Variants in GGN observed in about 807,000 individuals in gnomAD.
GGN encodes gametogenetin.
A neutral mutation model predicts 35.5 loss-of-function variants in GGN; 27 were observed. The ratio of observed to expected loss-of-function variants is 0.76; its 90% CI spans 0.56 to 1.05. The LOEUF is 1.05. Ranked by LOEUF, GGN falls within the 50% of genes least tolerant of loss-of-function variation. The probability of loss-of-function intolerance (pLI) is 0.00; values close to 1 mark genes in which losing one functional copy is unlikely to be tolerated. For synonymous variants in GGN, 425 were observed against 444.1 expected (o/e 0.96, Z 0.54); for missense variants, 1,006 against 940.7 (o/e 1.07, Z -0.91).
Position 38,386,342 on chromosome 19 carries a change from C to T in GGN, c.920G>A (p.Arg307Gln), listed in dbSNP as rs1300707042. The change falls in exon 3 of 4, where the codon CGA becomes CAA. Residue 307 changes from arginine (R) to glutamine (Q), a missense_variant. Coordinates refer to ENST00000334928, the MANE Select transcript of GGN (RefSeq NM_152657.4). ...ACCTCCCTCGGCTTCCTGTGCCCCT[C>T]GAGAAACCTCTCCCAAGGGGCGAGC... ...GAARPLGEVS[R>Q]GAQEAEGGDG... is the part of the protein sequence containing the mutation. 4 of 1,612,372 alleles carry T rather than the reference C, an allele frequency of 2.5e-6. No individual in the cohort carries two copies. Among genetic ancestry groups the T allele is most frequent in the East Asian group, 2.2e-5 (1 of 44,860 alleles).
In GGN at chr19:38,385,375, C is replaced by A. The variant is rs1296002085; in HGVS notation, c.1841+46G>T. On this transcript the variant is annotated intron_variant, in intron 3 of 3. Coordinates refer to ENST00000334928, the MANE Select transcript of GGN (RefSeq NM_152657.4). ...CCAAAGGGCTGAGTAGGACTCTATCCAGCAGTCTGGGGTTCGGCACCCTCC... is the reference window on the plus strand; with the variant it reads ...CCAAAGGGCTGAGTAGGACTCTATCAAGCAGTCTGGGGTTCGGCACCCTCC... 2.5e-6 allele frequency: 4 copies of A among 1,611,214 alleles called. No individual in the cohort carries two copies. The African/African-American group carries it at 4.0e-5, about 16-fold the overall frequency.
Position 38,385,870 on chromosome 19 carries a change from CG to C in GGN, c.1391del (p.Pro464ArgfsTer25). The C allele has an allele frequency of 6.5e-7, 1 of 1,545,950 alleles. No homozygotes were observed. Among genetic ancestry groups the C allele is most frequent in the Non-Finnish European group, 8.7e-7 (1 of 1,148,668 alleles). On this transcript the variant is annotated frameshift_variant, in exon 3 of 4. Transcript: ENST00000334928. LOFTEE classifies it high-confidence loss of function. Reference sequence around the variant, plus strand: ...CCTTGTGGCCCAGACCCGGGGTGAGCGGGGGAGCCACCGGCAGCGGCGTTGG... The same window carrying C: ...CCTTGTGGCCCAGACCCGGGGTGAGCGGGGAGCCACCGGCAGCGGCGTTGG... ...LQPTPLPVAP[P>X]LTPGLGHKES...
rs1970710537 is a variant in GGN at position 38,385,973 on chromosome 19, CCCGGGCG to C, written c.1282_1288del (p.Arg428GlyfsTer59). 6.2e-7 allele frequency: 1 copy of C among 1,604,670 alleles called. No individual in the cohort carries two copies. Among genetic ancestry groups the C allele is most frequent in the Non-Finnish European group, 8.5e-7 (1 of 1,175,966 alleles). On this transcript the variant is annotated frameshift_variant, in exon 3 of 4. Transcript: ENST00000334928. LOFTEE classifies it high-confidence loss of function. ...TGGTAACTCCTGCAGGCCTGGAGGC[CCCGGGCG>C]CATGGGCTCGCCATTGGTGGGTGCT...
chr19:38,386,906 A>T lies in GGN; in HGVS notation c.356T>A (p.Val119Asp). The change falls in exon 3 of 4, where the codon GTT becomes GAT. Residue 119 changes from valine to aspartate, a missense_variant. Physicochemically the swap from Val to Asp is radical, Grantham distance 152 (BLOSUM62 -3). Transcript: ENST00000334928. ...CTCCAGCAGGCGGCGGATCCGGGGA[A>T]CTGGAGTGCCCGCGGGCTTTTGCCA... ...SKWQKPAGTP[V>D]PRIRRLLEAS... 6.4e-7 allele frequency: 1 copy of T among 1,560,034 alleles called. No homozygotes were observed. The highest frequency in any genetic ancestry group is 8.7e-7 in the Non-Finnish European group (1 of 1,153,004).
chr19:38,386,768 G>A lies in GGN; in HGVS notation c.494C>T (p.Pro165Leu). Residue 165 changes from proline to leucine, a missense_variant, in exon 3 of 4, where the codon CCG becomes CTG. Transcript: ENST00000334928. Reference protein sequence around the residue: ...DTVPRAPSQFPPPLETWKPPP... With the variant: ...DTVPRAPSQFLPPLETWKPPP... ...CGGCTTCCAAGTCTCCAGGGGCGGC[G>A]GAAATTGGGATGGGGCCCTCGGGAC... 1 of 1,610,404 alleles carries A rather than the reference G, an allele frequency of 6.2e-7. No homozygotes were observed.
chr19:38,386,941 G>A lies in GGN; in HGVS notation c.321C>T (p.Gly107=), dbSNP rs1166216525. 1.3e-6 allele frequency: 2 copies of A among 1,546,692 alleles called. No individual in the cohort carries two copies. The highest frequency in any genetic ancestry group is 2.7e-5 in the African/African-American group (2 of 73,166). ...PPAPAGTLLP[G]PSKWQKPAGT... Reference sequence around the variant, plus strand: ...CCGCGGGCTTTTGCCATTTAGACGGGCCGGGCAGCAGAGTCCCCGCGGGGG... The same window carrying A: ...CCGCGGGCTTTTGCCATTTAGACGGACCGGGCAGCAGAGTCCCCGCGGGGG... Residue 107 remains glycine (G), a synonymous_variant, in exon 3 of 4, where the codon GGC becomes GGT. Transcript: ENST00000334928.
Position 38,386,161 on chromosome 19 carries a change from G to T in GGN, c.1101C>A (p.Asn367Lys). 6.3e-7 allele frequency: 1 copy of T among 1,592,132 alleles called. No individual in the cohort carries two copies. The change falls in exon 3 of 4, where the codon AAC (asparagine) becomes AAA (lysine). Residue 367 changes from asparagine to lysine, a missense_variant. Physicochemically the swap from Asn to Lys is moderately conservative, Grantham distance 94. Transcript: ENST00000334928. Reference sequence around the variant, plus strand: ...GCGCCCCGATGCCTCCGCCAGCCCCGTTGAAGCGGAAGTGGCGTTCAGGGC... The same window carrying T: ...GCGCCCCGATGCCTCCGCCAGCCCCTTTGAAGCGGAAGTGGCGTTCAGGGC... ...PDGPERHFRFNGAGGGIGAPR... is the reference protein window; with the variant it reads ...PDGPERHFRFKGAGGGIGAPR...
chr19:38,387,529 G>A lies in GGN; in HGVS notation c.-20+232C>T, dbSNP rs1050998946. Among the ~76,000 whole-genome samples the A allele has an allele frequency of 1.3e-5, 2 of 152,098 alleles. No individual in the cohort carries two copies. Among genetic ancestry groups the A allele is most frequent in the African/African-American group, 4.8e-5 (2 of 41,394 alleles). ...CATTATGTACTAAGGTTCCATGCCTGTCCCCTTGGCTGGTCATGCTGATCC... is the reference window on the plus strand; with the variant it reads ...CATTATGTACTAAGGTTCCATGCCTATCCCCTTGGCTGGTCATGCTGATCC... On this transcript the variant is annotated intron_variant, in intron 2 of 3. Transcript: ENST00000334928. This position sits in a 1 kb window ranked among gnomAD's most constrained non-coding sequence, Gnocchi z 5.3.
upstream of GGN, chr19:38,388,073 C>A (rs1291889489): frequency 1.9e-5 from 3 of 159,574 alleles, no homozygotes; most frequent in Non-Finnish European, 4.2e-5. Context: ...TAGCCCCTCC[C>A]CTTTAGAATG....
Position 38,386,598 on chromosome 19 carries a change from G to C in GGN, c.664C>G (p.Pro222Ala), listed in dbSNP as rs781578001. The change falls in exon 3 of 4, where the codon CCC becomes GCC. Residue 222 changes from proline to alanine, a missense_variant. Coordinates refer to ENST00000334928, the MANE Select transcript of GGN (RefSeq NM_152657.4). Reference sequence around the variant, plus strand: ...GCCATTTCGCCTTCGCCCGCATGGGGAGGCGCCCCTCCGCGAGCCCTGCCG... The same window carrying C: ...GCCATTTCGCCTTCGCCCGCATGGGCAGGCGCCCCTCCGCGAGCCCTGCCG... ...TAGRARGGAP[P>A]HAGEGEMAQP... The C allele has an allele frequency of 4.3e-6, 7 of 1,613,254 alleles. No individual in the cohort carries two copies. The highest frequency in any genetic ancestry group is 5.1e-6 in the Non-Finnish European group (6 of 1,179,690).
rs1392946710 is a variant in GGN, at chr19:38,387,410, T to G, written c.-19-130A>C. The G allele has an allele frequency of 2.1e-6, 3 of 1,403,296 alleles. No homozygotes were observed. Among genetic ancestry groups the G allele is most frequent in the Non-Finnish European group, 1.9e-6 (2 of 1,071,290 alleles). The allele number at this position is 1,403,296 out of a possible 1,614,324, so 86.9% of individuals were successfully genotyped here. A position where few individuals can be genotyped will look rare whatever the true frequency, so the allele number is the denominator to read the frequency against. On this transcript the variant is annotated intron_variant, in intron 2 of 3. Coordinates refer to ENST00000334928, the MANE Select transcript of GGN (RefSeq NM_152657.4). The surrounding 1 kb of genome is among the most constrained non-coding windows in gnomAD (Gnocchi z 5.3). ...CCAAGATCCGATCAGGCCCAAGTCC[T>G]TAGGTCGCACTCCTGTTCCCCGACC... is the stretch of plus-strand genomic sequence containing the variant.
At position 38,386,557 on chromosome 19, in the gene GGN, G is replaced by C. The variant is rs753434707; in HGVS notation, c.705C>G (p.Ser235=). 3.7e-6 allele frequency: 6 copies of C among 1,613,572 alleles called. No homozygotes were observed. Among genetic ancestry groups the C allele is most frequent in the Non-Finnish European group, 5.1e-6 (6 of 1,179,950 alleles). ...TACACAGCAGGCTCAGACCGGACTC[G>C]GAATCCGCAGGCTGGGCCATTTCGC... ...GEGEMAQPAD[S]ESGLSLLCKI... The change falls in exon 3 of 4, where the codon TCC becomes TCG. Residue 235 remains serine, a synonymous_variant. Coordinates refer to ENST00000334928, the MANE Select transcript of GGN (RefSeq NM_152657.4).
chr19:38,386,921 G>C lies in GGN; in HGVS notation c.341C>G (p.Pro114Arg). Residue 114 changes from proline to arginine, a missense_variant, in exon 3 of 4, where the codon CCC becomes CGC. Physicochemically the swap from Pro to Arg is moderately radical, Grantham distance 103 (BLOSUM62 -2). Transcript: ENST00000334928. ...GATCCGGGGAACTGGAGTGCCCGCG[G>C]GCTTTTGCCATTTAGACGGGCCGGG... Reference protein sequence around the residue: ...LLPGPSKWQKPAGTPVPRIRR... With the variant: ...LLPGPSKWQKRAGTPVPRIRR... The C allele has an allele frequency of 6.4e-7, 1 of 1,551,890 alleles. No homozygotes were observed. Among genetic ancestry groups the C allele is most frequent in the Non-Finnish European group, 8.7e-7 (1 of 1,148,886 alleles).
In GGN at chr19:38,386,694, G is replaced by A; in HGVS notation, c.568C>T (p.Pro190Ser). The A allele has an allele frequency of 6.2e-7, 1 of 1,607,608 alleles. No homozygotes were observed. Among genetic ancestry groups the A allele is most frequent in the Middle Eastern group, 1.7e-4 (1 of 6,040 alleles). ...GGTGAGGCGGGTGTGGCCAGAGCAG[G>A]AGTGATTCTGCGGTCCGCCGGCTGC... The part of the protein sequence containing the change: ...ERQPADRRIT[P>S]ALATPASPPT... Residue 190 changes from proline (P) to serine (S), a missense_variant, in exon 3 of 4, where the codon CCT (proline) becomes TCT (serine). Coordinates refer to ENST00000334928, the MANE Select transcript of GGN (RefSeq NM_152657.4).
chr19:38,388,187 C>T (rs956886313), upstream of GGN: 6 of 237,274 alleles, frequency 2.5e-5, no homozygotes, highest in Admixed American at 5.7e-5. Context: ...GGCAATTTAC[C>T]TCTAAGCTCC....
rs1970734968 is a variant in GGN at position 38,386,774 on chromosome 19, T to G, written c.488A>C (p.Gln163Pro). 5 of 1,610,012 alleles carry G rather than the reference T, an allele frequency of 3.1e-6. No homozygotes were observed. In the Admixed American group the frequency reaches 8.4e-5, roughly 27 times the overall value. Residue 163 changes from glutamine (Q) to proline (P), a missense_variant, in exon 3 of 4, where the codon CAA becomes CCA. By Grantham distance (76) the Gln-to-Pro change is moderately conservative (BLOSUM62 -1). Coordinates refer to ENST00000334928, the MANE Select transcript of GGN (RefSeq NM_152657.4). Reference sequence around the variant, plus strand: ...CCAAGTCTCCAGGGGCGGCGGAAATTGGGATGGGGCCCTCGGGACAGTGTC... The same window carrying G: ...CCAAGTCTCCAGGGGCGGCGGAAATGGGGATGGGGCCCTCGGGACAGTGTC... ...VKDTVPRAPS[Q>P]FPPPLETWKP...
Position 38,387,501 on chromosome 19 carries a change from C to A in GGN, c.-19-221G>T, listed in dbSNP as rs1970754555. ...TGCTGTTAAGATACTTCACTACCAG[C>A]CCCATTATGTACTAAGGTTCCATGC... On this transcript the variant is annotated intron_variant, in intron 2 of 3. Coordinates refer to ENST00000334928, the MANE Select transcript of GGN (RefSeq NM_152657.4). This position sits in a 1 kb window ranked among gnomAD's most constrained non-coding sequence, Gnocchi z 5.3. Among the ~76,000 whole-genome samples, 1 of 152,144 alleles carries A rather than the reference C, an allele frequency of 6.6e-6. No individual in the cohort carries two copies. The highest frequency in any genetic ancestry group is 1.5e-5 in the Non-Finnish European group (1 of 68,020).
At position 38,385,935 on chromosome 19, in the gene GGN, G is replaced by A. The variant is rs766897438; in HGVS notation, c.1327C>T (p.Pro443Ser). The A allele has an allele frequency of 1.3e-5, 20 of 1,585,586 alleles. No homozygotes were observed. Among genetic ancestry groups the A allele is most frequent in the East Asian group, 2.3e-5 (1 of 43,260 alleles). The change falls in exon 3 of 4, where the codon CCC becomes TCC. Residue 443 changes from proline (P) to serine (S), a missense_variant. Coordinates refer to ENST00000334928, the MANE Select transcript of GGN (RefSeq NM_152657.4). Reference sequence around the variant, plus strand: ...GGCTGCAGTGTGGGCGGCGGTGTGGGCGGTGGCAGCGGTGGTAACTCCTGC... The same window carrying A: ...GGCTGCAGTGTGGGCGGCGGTGTGGACGGTGGCAGCGGTGGTAACTCCTGC... ...GLQELPPLPPPTPPPTLQPPA... is the reference protein window; with the variant it reads ...GLQELPPLPPSTPPPTLQPPA...
In GGN at chr19:38,387,293, A is replaced by T. The variant is rs758489144; in HGVS notation, c.-19-13T>A. 18 of 1,546,210 alleles carry T rather than the reference A, an allele frequency of 1.2e-5. No individual in the cohort carries two copies. The East Asian group carries it at 4.3e-4, about 37-fold the overall frequency. ...CGGAGCTCGGAGACTAGTCAGAAAAATTTACTCCAGTCAGCCTGCCAGGGC... is the reference window on the plus strand; with the variant it reads ...CGGAGCTCGGAGACTAGTCAGAAAATTTTACTCCAGTCAGCCTGCCAGGGC... On this transcript the variant is annotated splice_polypyrimidine_tract_variant and intron_variant, in intron 2 of 3. Coordinates refer to ENST00000334928, the MANE Select transcript of GGN (RefSeq NM_152657.4). The surrounding 1 kb of genome is among the most constrained non-coding windows in gnomAD (Gnocchi z 5.3).
Sources: allele counts gnomAD v4.1 joint callset (sites outside exome capture counted in the v4.1 genomes callset), GRCh38; gene constraint gnomAD v4.1.1; non-coding constraint Gnocchi (gnomAD v3.1); transcripts MANE v1.5; gene names NCBI Gene and HGNC (gene_info 2026-07-23, HGNC 2026-07-21).